The following GRIA2 variants were observed in gnomAD, a reference collection of about 807,000 sequenced individuals.
GRIA2 encodes the protein glutamate receptor 2.
Under a neutral mutation model 97.3 loss-of-function variants are expected in GRIA2, and 14 were observed. The observed-to-expected ratio is 0.14, with a 90% CI of 0.10 to 0.23. The LOEUF (loss-of-function observed/expected upper bound fraction) is 0.23. Ranked by LOEUF, GRIA2 falls within the 10% of genes least tolerant of loss-of-function variation. The pLI is 1.00. For synonymous variants in GRIA2, 412 were observed against 387.8 expected (o/e 1.06, Z -0.73); for missense variants, 558 against 1,069.8 (o/e 0.52, Z 6.67).
At chr4:157,325,758 G>C (rs960962216) in intron 6 of GRIA2, among the ~76,000 whole-genome samples, 1 of 152,176 alleles carries the variant, frequency 6.6e-6, no homozygotes, top group Non-Finnish European at 1.5e-5. Flanking sequence ...TACATCCTAT[G>C]AATCAGAAAA....
chr4:157,290,955 A>T (rs570070865), intron 2 of GRIA2, among the ~76,000 whole-genome samples: 66 of 152,060 alleles, frequency 4.3e-4, no homozygotes, highest in African/African-American at 1.5e-3. Flanking sequence ...TCTGTGATTT[A>T]TATACAGAAG....
At chr4:157,331,712 TC>T (rs1735056124) in intron 6 of GRIA2, among the ~76,000 whole-genome samples, 1 of 151,994 alleles carries the variant, frequency 6.6e-6, no homozygotes. Context: ...AGATGGCTTA[TC>T]TTTTTTCCAT....
intron 2 of GRIA2, among the ~76,000 whole-genome samples, chr4:157,245,788 G>C (rs1420907951): frequency 6.6e-6 from 1 of 151,984 alleles, no homozygotes; most frequent in Admixed American, 6.6e-5. Context: ...TTTATTCTCT[G>C]TAATTTAAAC....
At chr4:157,242,350 C>A (rs1244901831) in intron 2 of GRIA2, among the ~76,000 whole-genome samples, 9 of 151,972 alleles carry the variant, frequency 5.9e-5, no homozygotes, top group Non-Finnish European at 1.2e-4. Flanking sequence ...TGTTTATTGT[C>A]AACTTTTTCT....
intron 2 of GRIA2, among the ~76,000 whole-genome samples, chr4:157,231,073 T>C (rs987038925): frequency 6.6e-6 from 1 of 152,038 alleles, no homozygotes; most frequent in Non-Finnish European, 1.5e-5. Flanking sequence ...GGAGTCTCGC[T>C]CTGTCACCCA....
chr4:157,264,719 C>A (rs1731691413), intron 2 of GRIA2, among the ~76,000 whole-genome samples: 1 of 152,038 alleles, frequency 6.6e-6, no homozygotes. Flanking sequence ...AAAGGACAAT[C>A]AGGAAAGCAG....
At chr4:157,257,136 A>C (rs1473194986) in intron 2 of GRIA2, among the ~76,000 whole-genome samples, 1 of 152,068 alleles carries the variant, frequency 6.6e-6, no homozygotes, top group Non-Finnish European at 1.5e-5. Context: ...TCAGATAAAA[A>C]CAAGTGTCAG....
rs777366027 is a variant in GRIA2, at chr4:157,359,825, C to G, written c.2044-71C>G. On this transcript the variant is annotated intron_variant, in intron 12 of 15. Coordinates refer to ENST00000264426, the MANE Select transcript of GRIA2 (RefSeq NM_001083619.3). ...ATCTATGTTTTGAAAAGTAATACCT[C>G]TTTTTGTGTTTTGTGAGTAATTTTT... is the stretch of plus-strand genomic sequence containing the variant. 376 of 1,383,972 alleles carry G rather than the reference C, an allele frequency of 2.7e-4. 4 individuals are homozygous for G. The highest frequency in any genetic ancestry group is 9.2e-4 in the Middle Eastern group (5 of 5,448). 85.7% of individuals were successfully genotyped at this position (1,383,972 alleles called of 1,614,324 possible). A position where few individuals can be genotyped will look rare whatever the true frequency, so the allele number is the denominator to read the frequency against.
intron 2 of GRIA2, among the ~76,000 whole-genome samples, chr4:157,235,618 G>A (rs17243330): frequency 1.3e-5 from 2 of 152,026 alleles, no homozygotes; most frequent in Admixed American, 6.6e-5. Flanking sequence ...CTGAAAACTT[G>A]GGTAGCCAAA....
At chr4:157,348,164 T>C (rs941963036) in intron 12 of GRIA2, among the ~76,000 whole-genome samples, 2 of 152,144 alleles carry the variant, frequency 1.3e-5, no homozygotes, top group African/African-American at 4.8e-5. Flanking sequence ...TTTGCATTTC[T>C]AGCAGACAAT....
chr4:157,312,659 A>AT lies in GRIA2; in HGVS notation c.470-15dup. The AT allele has an allele frequency of 6.9e-7, 1 of 1,458,770 alleles. No individual in the cohort carries two copies. 90.4% of individuals were successfully genotyped at this position (1,458,770 alleles called of 1,614,324 possible). Reference sequence around the variant, plus strand: ...TATTCACGTATCTTTATCAGTCATCATTTTTCTTTGCCTTCCTAGGCTTAT... The same window carrying AT: ...TATTCACGTATCTTTATCAGTCATCATTTTTTCTTTGCCTTCCTAGGCTTAT... On this transcript the variant is annotated intron_variant, in intron 3 of 15. Transcript: ENST00000264426.
chr4:157,319,107 G>C (rs1734445271), intron 5 of GRIA2, among the ~76,000 whole-genome samples: 1 of 152,146 alleles, frequency 6.6e-6, no homozygotes, highest in Non-Finnish European at 1.5e-5. Context: ...CTTTCCTTTA[G>C]AGTGTATTAA....
intron 2 of GRIA2, among the ~76,000 whole-genome samples, chr4:157,271,425 G>C (rs903891980): frequency 5.9e-5 from 9 of 151,934 alleles, no homozygotes; most frequent in African/African-American, 2.2e-4. Context: ...ACTCTTTTTG[G>C]GTTTGATTAA....
At chr4:157,280,669 G>A (rs1034783584) in intron 2 of GRIA2, among the ~76,000 whole-genome samples, 7 of 151,800 alleles carry the variant, frequency 4.6e-5, no homozygotes, top group Admixed American at 1.3e-4. Context: ...GGCTAGACTC[G>A]ACTTCACAGA....
chr4:157,304,090 A>G (rs1008674387), intron 3 of GRIA2, among the ~76,000 whole-genome samples: 26 of 152,238 alleles, frequency 1.7e-4, no homozygotes, highest in African/African-American at 6.0e-4. Flanking sequence ...CTAAAAGTCT[A>G]TGACAGCTAT....
intron 2 of GRIA2, among the ~76,000 whole-genome samples, chr4:157,286,098 A>C (rs569199074): frequency 6.6e-6 from 1 of 151,662 alleles, no homozygotes; most frequent in South Asian, 2.1e-4. Context: ...AATTATTTTC[A>C]AGGATCATTT....
chr4:157,221,555 G>A, intron 1 of GRIA2, 112 bp from the exon 2 acceptor site: 3 of 1,064,762 alleles, frequency 2.8e-6, no homozygotes, highest in South Asian at 3.0e-5. Context: ...GTGTTTATTC[G>A]GCCTATTCGC....
intron 2 of GRIA2, among the ~76,000 whole-genome samples, chr4:157,299,050 A>T (rs982747463): frequency 1.3e-5 from 2 of 152,110 alleles, no homozygotes; most frequent in African/African-American, 4.8e-5. Context: ...GCGACAGGAA[A>T]AGTACCAAGA....
chr4:157,361,150 G>C lies in GRIA2; in HGVS notation c.2406+26G>C. On this transcript the variant is annotated intron_variant, in intron 14 of 15. Transcript: ENST00000264426. This position sits in a 1 kb window ranked among gnomAD's most constrained non-coding sequence, Gnocchi z 5.2. ...GTCAGCCCCAGTGAGAAAAGTAATG[G>C]GTAACTCAATGCAAAACAAAGTAAG... The C allele has an allele frequency of 1.3e-6, 2 of 1,526,078 alleles. No homozygotes were observed. The highest frequency in any genetic ancestry group is 1.8e-6 in the Non-Finnish European group (2 of 1,100,450). The allele number at this position is 1,526,078 out of a possible 1,614,324, so 94.5% of individuals were successfully genotyped here. A position where few individuals can be genotyped will look rare whatever the true frequency, so the allele number is the denominator to read the frequency against.
Sources: allele counts gnomAD v4.1 joint callset (sites outside exome capture counted in the v4.1 genomes callset), GRCh38; gene constraint gnomAD v4.1.1; non-coding constraint Gnocchi (gnomAD v3.1); transcripts MANE v1.5; gene names NCBI Gene and HGNC (gene_info 2026-07-23, HGNC 2026-07-21).